The following NPAS3 variants were observed in gnomAD, a reference collection of about 807,000 sequenced individuals.
The protein encoded by NPAS3 is neuronal PAS domain-containing protein 3.
A neutral mutation model predicts 73.1 loss-of-function variants in NPAS3; 14 were observed. That is an observed-to-expected ratio of 0.19 (90% CI 0.13 to 0.30). NPAS3 has a LOEUF of 0.30. Ranked by LOEUF, NPAS3 falls within the 10% of genes least tolerant of loss-of-function variation. The pLI is 1.00. For synonymous variants in NPAS3, 620 were observed against 541.5 expected (o/e 1.14, Z -2.01); for missense variants, 1,096 against 1,250.0 (o/e 0.88, Z 1.86).
At chr14:33,346,815 G>A (rs557216762) in intron 3 of NPAS3, among the ~76,000 whole-genome samples, 5 of 152,278 alleles carry the variant, frequency 3.3e-5, no homozygotes, top group African/African-American at 1.2e-4. Context: ...GAGGCAGGAG[G>A]AAATATCCTT....
chr14:32,977,681 G>A (rs1038174661), intron 1 of NPAS3, among the ~76,000 whole-genome samples: 4 of 148,528 alleles, frequency 2.7e-5, no homozygotes, highest in South Asian at 2.2e-4. Flanking sequence ...GCAGTGAACC[G>A]TGATTGCACC....
At chr14:33,611,805 G>T (rs989521344) in intron 5 of NPAS3, among the ~76,000 whole-genome samples, 2 of 152,126 alleles carry the variant, frequency 1.3e-5, no homozygotes, top group African/African-American at 4.8e-5. Context: ...AATGATAAAT[G>T]AGATGATTAT....
chr14:32,992,511 C>T (rs904600636), intron 1 of NPAS3, among the ~76,000 whole-genome samples: 1 of 152,002 alleles, frequency 6.6e-6, no homozygotes, highest in Non-Finnish European at 1.5e-5. Context: ...TCTGCTTGTC[C>T]CTGGCCTAGA....
intron 4 of NPAS3, among the ~76,000 whole-genome samples, chr14:33,441,589 T>G (rs1056188648): frequency 1.3e-5 from 2 of 152,218 alleles, no homozygotes; most frequent in African/African-American, 4.8e-5. Flanking sequence ...AAAAACTGTC[T>G]TCTTTATATT....
chr14:33,040,166 G>A (rs1223532937), intron 1 of NPAS3, among the ~76,000 whole-genome samples: 1 of 151,984 alleles, frequency 6.6e-6, no homozygotes, highest in Non-Finnish European at 1.5e-5. Flanking sequence ...TTCCCCTTTT[G>A]ATCACTCTGT....
intron 4 of NPAS3, among the ~76,000 whole-genome samples, chr14:33,530,682 T>C (rs2140172254): frequency 6.6e-6 from 1 of 151,798 alleles, no homozygotes; most frequent in African/African-American, 2.4e-5. Context: ...CGTTTAACCC[T>C]AGAAATGTCA....
At chr14:32,970,792 G>T (rs1003132710) in intron 1 of NPAS3, among the ~76,000 whole-genome samples, 13 of 151,886 alleles carry the variant, frequency 8.6e-5, no homozygotes, top group African/African-American at 2.9e-4. Context: ...TGTTTTTCCT[G>T]TGTGTGTGTG....
intron 5 of NPAS3, among the ~76,000 whole-genome samples, chr14:33,667,769 TGG>T (rs2059495770): frequency 6.6e-6 from 1 of 152,200 alleles, no homozygotes; most frequent in African/African-American, 2.4e-5. Flanking sequence ...GGAGGGTCAG[TGG>T]TTAATCATGG....
intron 1 of NPAS3, among the ~76,000 whole-genome samples, chr14:33,025,808 C>T (rs1273812636): frequency 6.6e-6 from 1 of 152,080 alleles, no homozygotes; most frequent in Non-Finnish European, 1.5e-5. Context: ...TGTAAGTTTC[C>T]TGAGGCCTCC....
rs79570848 is a variant in NPAS3, at chr14:33,576,518, A to T, written c.558+16308A>T. ...CACAAACCTAAATGAAAGCTATACT[A>T]CCCTGAATCATTTAAAAAGCTACTG... On this transcript the variant is annotated intron_variant, in intron 5 of 11. Coordinates refer to ENST00000356141, the Ensembl canonical transcript of NPAS3. Among the ~76,000 whole-genome samples, 2,107 of 152,266 alleles carry T rather than the reference A, an allele frequency of 0.014. 112 individuals carry two copies. In the East Asian group the frequency reaches 0.2, roughly 14 times the overall value.
rs142494085 is a variant in NPAS3 at position 33,135,687 on chromosome 14, A to G, written c.141-79495A>G. 2.7e-3 allele frequency among the ~76,000 whole-genome samples: 411 copies of G among 152,266 alleles called. 3 individuals are homozygous for G. The highest frequency in any genetic ancestry group is 9.1e-3 in the African/African-American group (379 of 41,554). The stretch of plus-strand genomic sequence containing the variant: ...TTTTCAGTGGGGGTTAAAAAAAACA[A>G]TTTCCCTCTTGACTCTTTTGGATTT... On this transcript the variant is annotated intron_variant, in intron 2 of 11. Transcript: ENST00000356141.
chr14:33,274,863 G>A (rs1338506357), intron 3 of NPAS3, among the ~76,000 whole-genome samples: 5 of 152,130 alleles, frequency 3.3e-5, no homozygotes, highest in Admixed American at 3.3e-4. Flanking sequence ...CTTTTTTAAA[G>A]GGCTACATTT....
At chr14:33,303,433 TA>T (rs34982766) in intron 3 of NPAS3, among the ~76,000 whole-genome samples, 17 of 149,564 alleles carry the variant, frequency 1.1e-4, no homozygotes, top group South Asian at 2.1e-4. Context: ...TTATTCACAC[TA>T]AAAAAAAAAT....
chr14:33,294,347 A>ATTT (rs554224413), intron 3 of NPAS3, among the ~76,000 whole-genome samples: 17 of 152,000 alleles, frequency 1.1e-4, no homozygotes, highest in African/African-American at 4.1e-4. Context: ...CCAGGGCCTC[A>ATTT]TTTTTTTGAC....
intron 6 of NPAS3, among the ~76,000 whole-genome samples, chr14:33,714,990 A>T (rs941312966): frequency 6.6e-6 from 1 of 152,246 alleles, no homozygotes; most frequent in Non-Finnish European, 1.5e-5. Flanking sequence ...GATTCCCAGG[A>T]AAACTAGACA....
exon 8 of NPAS3, chr14:33,774,442 C>G (rs766156066): frequency 1.2e-6 from 2 of 1,614,150 alleles, no homozygotes; most frequent in Non-Finnish European, 1.7e-6. Context: ...TGCCTTGCCT[C>G]CCCCTACGAT....
At chr14:33,206,510 T>C (rs2046827580) in intron 2 of NPAS3, among the ~76,000 whole-genome samples, 1 of 152,104 alleles carries the variant, frequency 6.6e-6, no homozygotes, top group South Asian at 2.1e-4. Flanking sequence ...CCCCCGCCAA[T>C]AGTGGCTGAA....
intron 5 of NPAS3, among the ~76,000 whole-genome samples, chr14:33,628,061 G>A (rs1291974304): frequency 1.3e-5 from 2 of 152,208 alleles, no homozygotes; most frequent in Non-Finnish European, 2.9e-5. Context: ...TTGCCATAAA[G>A]CCTGCATCAC....
intron 4 of NPAS3, among the ~76,000 whole-genome samples, chr14:33,465,827 C>A (rs563772705): frequency 6.6e-6 from 1 of 151,664 alleles, no homozygotes. Context: ...TATCATTATT[C>A]GGTTTTATTT....
Sources: allele counts gnomAD v4.1 joint callset (sites outside exome capture counted in the v4.1 genomes callset), GRCh38; gene constraint gnomAD v4.1.1; transcripts MANE v1.5; gene names NCBI Gene and HGNC (gene_info 2026-07-23, HGNC 2026-07-21).